VPS54: variants seen among roughly 807,000 people sequenced by gnomAD.
VPS54 encodes the protein vacuolar protein sorting-associated protein 54.
A neutral mutation model predicts 121.5 loss-of-function variants in VPS54; 45 were observed. That is an observed-to-expected ratio of 0.37 (90% confidence interval 0.29 to 0.47). VPS54 has a LOEUF of 0.47. VPS54 is among the 20% of genes least tolerant of loss of function. The pLI is 0.99. For missense variants in VPS54, 1,090 were observed against 1,131.4 expected (o/e 0.96, Z 0.52); for synonymous variants, 371 against 385.8 (o/e 0.96, Z 0.45).
intron 20 of VPS54, among the ~76,000 whole-genome samples, chr2:63,907,633 T>C (rs914908338): frequency 7.9e-5 from 12 of 151,830 alleles, no homozygotes; most frequent in Middle Eastern, 3.4e-3. Flanking sequence ...TCTAAGACAC[T>C]GTTCATGAAA....
chr2:63,968,439 T>C (rs1056252814), intron 5 of VPS54, among the ~76,000 whole-genome samples: 5 of 148,548 alleles, frequency 3.4e-5, no homozygotes, highest in Admixed American at 6.7e-5. Context: ...AGGCCAGGCA[T>C]GGTGGCTCAC....
At chr2:63,957,032 T>C (rs894596246) in intron 7 of VPS54, among the ~76,000 whole-genome samples, 1 of 152,176 alleles carries the variant, frequency 6.6e-6, no homozygotes, top group African/African-American at 2.4e-5. Flanking sequence ...TGAATGCCAT[T>C]AGCCTCAGCA....
In VPS54 at chr2:63,893,429, A is replaced by G; in HGVS notation, c.*1T>C. Reference sequence around the variant, plus strand: ...GAACTACCCAGTTTTCCAGGATGACATCACCTCTTCTGCTCCCAAATTTCG... The same window carrying G: ...GAACTACCCAGTTTTCCAGGATGACGTCACCTCTTCTGCTCCCAAATTTCG... On this transcript the variant is annotated 3_prime_UTR_variant, in exon 23 of 23. Coordinates refer to ENST00000272322, the MANE Select transcript of VPS54 (RefSeq NM_016516.3). The G allele has an allele frequency of 6.2e-7, 1 of 1,613,080 alleles. No homozygotes were observed. The highest frequency in any genetic ancestry group is 8.5e-7 in the Non-Finnish European group (1 of 1,179,058).
intron 1 of VPS54, among the ~76,000 whole-genome samples, chr2:64,018,313 T>G (rs886807889): frequency 3.9e-5 from 6 of 152,090 alleles, no homozygotes; most frequent in African/African-American, 1.2e-4. Flanking sequence ...ACTCAACACA[T>G]GAACAGACCA....
chr2:63,965,221 A>C (rs942823046), intron 6 of VPS54, among the ~76,000 whole-genome samples: 5 of 152,210 alleles, frequency 3.3e-5, no homozygotes, highest in African/African-American at 1.2e-4. Context: ...TCACATCCGT[A>C]ATCTCAGCAC....
At chr2:64,015,515 G>A (rs1045084452) in intron 1 of VPS54, among the ~76,000 whole-genome samples, 6 of 152,052 alleles carry the variant, frequency 3.9e-5, no homozygotes, top group African/African-American at 1.4e-4. Context: ...TGGTACCATT[G>A]ACATTTTGAA....
chr2:63,983,809 AT>A (rs1296725704), intron 2 of VPS54, 54 bp downstream of exon 2: 4 of 1,537,762 alleles, frequency 2.6e-6, no homozygotes, highest in Non-Finnish European at 8.8e-7. Context: ...CTGACTACTC[AT>A]TTAAAGATAA....
intron 15 of VPS54, among the ~76,000 whole-genome samples, chr2:63,918,755 TCAC>T (rs1301442936): frequency 6.6e-6 from 1 of 151,978 alleles, no homozygotes; most frequent in Non-Finnish European, 1.5e-5. Context: ...GCCCTGTAAA[TCAC>T]CCTCTCTCTC....
chr2:64,016,606 GTA>G (rs1265965924), intron 1 of VPS54, among the ~76,000 whole-genome samples: 8 of 106,910 alleles, frequency 7.5e-5, no homozygotes, highest in East Asian at 3.0e-4. Context: ...CCACTGAATT[GTA>G]TATTTTTTTT....
At chr2:63,939,610 A>C (rs1256732796) in intron 11 of VPS54, among the ~76,000 whole-genome samples, 1 of 152,220 alleles carries the variant, frequency 6.6e-6, no homozygotes, top group Admixed American at 6.5e-5. Flanking sequence ...GGAAAATAGA[A>C]AAGAATAAAA....
intron 12 of VPS54, among the ~76,000 whole-genome samples, chr2:63,930,052 A>G (rs1490470181): frequency 6.6e-6 from 1 of 152,240 alleles, no homozygotes; most frequent in African/African-American, 2.4e-5. Context: ...GTTCAGGACC[A>G]GACAGATTCA....
intron 1 of VPS54, among the ~76,000 whole-genome samples, chr2:64,010,369 C>CTGATAATAT (rs1211200675): frequency 6.6e-6 from 1 of 152,068 alleles, no homozygotes; most frequent in Non-Finnish European, 1.5e-5. Context: ...TTTACAAGTA[C>CTGATAATAT]TGATAATATG....
chr2:63,913,314 AC>A lies in VPS54; in HGVS notation c.2335-5del. 6.2e-7 allele frequency: 1 copy of A among 1,606,988 alleles called. No homozygotes were observed. The highest frequency in any genetic ancestry group is 8.5e-7 in the Non-Finnish European group (1 of 1,177,402). ...GGCAACTTCTTGAATTGAAGTACTA[AC>A]AAAAGAAGGAGAAAAAAACCCCAAA... On this transcript the variant is annotated splice_region_variant and splice_polypyrimidine_tract_variant and intron_variant, in intron 17 of 22. Transcript: ENST00000272322.
chr2:63,927,825 G>C (rs565337383), intron 12 of VPS54, among the ~76,000 whole-genome samples: 1 of 152,284 alleles, frequency 6.6e-6, no homozygotes, highest in African/African-American at 2.4e-5. Context: ...TAAATGACCT[G>C]ATGGAGCTGA....
chr2:63,947,517 A>G (rs752160445), intron 8 of VPS54, 27 bp from the exon 9 acceptor site: 9 of 1,429,348 alleles, frequency 6.3e-6, no homozygotes, highest in Non-Finnish European at 8.5e-6. Context: ...ATGTAACTTG[A>G]CATTTTAAAT....
chr2:63,974,947 G>A (rs1676455587), intron 3 of VPS54: 1 of 1,529,962 alleles, frequency 6.5e-7, no homozygotes, highest in Non-Finnish European at 8.8e-7. Context: ...GGACTTCCAA[G>A]ACAATGTTAA....
At chr2:63,906,793 C>T (rs1672921881) in intron 20 of VPS54, among the ~76,000 whole-genome samples, 1 of 152,204 alleles carries the variant, frequency 6.6e-6, no homozygotes, top group African/African-American at 2.4e-5. Context: ...CTGATCTATA[C>T]ATTCAACGCA....
At chr2:63,914,160 A>C in intron 17 of VPS54, 22 bp downstream of exon 17, 1 of 1,583,222 alleles carries the variant, frequency 6.3e-7, no homozygotes, top group Non-Finnish European at 8.7e-7. Flanking sequence ...ATTTTTCCAT[A>C]ATGGAGTGAA....
At chr2:63,907,319 G>C (rs868821412) in intron 20 of VPS54, among the ~76,000 whole-genome samples, 3 of 152,172 alleles carry the variant, frequency 2.0e-5, no homozygotes, top group Non-Finnish European at 4.4e-5. Flanking sequence ...GGGAGTTTGA[G>C]ACCAGCCTGA....
Sources: allele counts gnomAD v4.1 joint callset (sites outside exome capture counted in the v4.1 genomes callset), GRCh38; gene constraint gnomAD v4.1.1; transcripts MANE v1.5; gene names NCBI Gene and HGNC (gene_info 2026-07-23, HGNC 2026-07-21).